Variants in PEBP4 observed in about 807,000 individuals in gnomAD.
PEBP4 encodes the protein phosphatidylethanolamine binding protein 4.
In PEBP4, 22 loss-of-function variants were observed where a neutral mutation model predicts 23.9. The observed-to-expected ratio is 0.92, with a 90% confidence interval of 0.66 to 1.31. The LOEUF (loss-of-function observed/expected upper bound fraction) is 1.31. Among genes scored for constraint, PEBP4 ranks in the 40% most tolerant of loss-of-function variants. PEBP4 has a pLI of 0.00. For missense variants in PEBP4, 324 were observed against 281.7 expected (o/e 1.15, Z -1.07); for synonymous variants, 112 against 99.3 (o/e 1.13, Z -0.76).
chr8:22,753,652 C>T (rs79328644), intron 4 of PEBP4, among the ~76,000 whole-genome samples: 1,576 of 152,338 alleles, frequency 0.01, 22 homozygotes, highest in African/African-American at 0.035. Context: ...TAGGCAAAGT[C>T]TCCACCTTGC....
At chr8:22,798,213 C>T (rs574206509) in intron 4 of PEBP4, among the ~76,000 whole-genome samples, 1 of 152,134 alleles carries the variant, frequency 6.6e-6, no homozygotes, top group African/African-American at 2.4e-5. Flanking sequence ...TTTTATGATG[C>T]TTTCACATCC....
chr8:22,800,689 T>C (rs1388859504), intron 4 of PEBP4, among the ~76,000 whole-genome samples: 5 of 152,048 alleles, frequency 3.3e-5, no homozygotes, highest in African/African-American at 9.7e-5. Flanking sequence ...GATAAAAGTA[T>C]TGGTTTATTC....
intron 4 of PEBP4, among the ~76,000 whole-genome samples, chr8:22,792,468 C>T (rs912870025): frequency 3.3e-5 from 5 of 152,044 alleles, no homozygotes; most frequent in African/African-American, 4.8e-5. Flanking sequence ...CGGTCCGTGT[C>T]CTTGGTCATA....
At chr8:22,741,466 T>A (rs753121956) in intron 4 of PEBP4, among the ~76,000 whole-genome samples, 2 of 152,190 alleles carry the variant, frequency 1.3e-5, no homozygotes, top group Non-Finnish European at 2.9e-5. Flanking sequence ...CCGGGAAGTT[T>A]GACAATCATA....
At chr8:22,725,030 T>C in intron 5 of PEBP4, 74 bp from the exon 6 acceptor site, 16 of 1,313,180 alleles carry the variant, frequency 1.2e-5, no homozygotes, top group South Asian at 8.4e-5. Context: ...TGCCTTCCCA[T>C]GGTCCTGCTG....
chr8:22,734,006 A>C (rs1041282711), intron 4 of PEBP4, among the ~76,000 whole-genome samples: 1 of 152,244 alleles, frequency 6.6e-6, no homozygotes, highest in Non-Finnish European at 1.5e-5. Context: ...AAATGAAAAC[A>C]GAGTTCCAAG....
At chr8:22,883,803 G>A (rs2128772991) in intron 3 of PEBP4, among the ~76,000 whole-genome samples, 1 of 152,184 alleles carries the variant, frequency 6.6e-6, no homozygotes, top group East Asian at 1.9e-4. Flanking sequence ...GGGCCTCATT[G>A]TCATTTGTTG....
chr8:22,890,256 CTT>C (rs1563251020), intron 3 of PEBP4, among the ~76,000 whole-genome samples: 1 of 152,220 alleles, frequency 6.6e-6, no homozygotes, highest in African/African-American at 2.4e-5. Context: ...GAGTCTGAGA[CTT>C]TCACTAAGCT....
rs35925508 is a variant in PEBP4 at position 22,873,470 on chromosome 8, C to CAA, written c.258+46712_258+46713dup. Reference sequence around the variant, plus strand: ...GAGATACTATCTGTGTGAAAAAGTACAAAAAAAAAAATTAGCTGGGCTTAG... The same window carrying CAA: ...GAGATACTATCTGTGTGAAAAAGTACAAAAAAAAAAAAATTAGCTGGGCTTAG... On this transcript the variant is annotated intron_variant, in intron 3 of 6. Coordinates refer to ENST00000256404, the MANE Select transcript of PEBP4 (RefSeq NM_144962.3). 1.4e-4 allele frequency among the ~76,000 whole-genome samples: 21 copies of CAA among 146,738 alleles called. 1 individual carries two copies. Among genetic ancestry groups the CAA allele is most frequent in the South Asian group, 4.3e-4 (2 of 4,600 alleles).
At chr8:22,720,823 C>T (rs1185146283) in intron 6 of PEBP4, among the ~76,000 whole-genome samples, 1 of 152,198 alleles carries the variant, frequency 6.6e-6, no homozygotes, top group Non-Finnish European at 1.5e-5. Context: ...CATAGAGCTA[C>T]ACCAGGGTGA....
intron 3 of PEBP4, among the ~76,000 whole-genome samples, chr8:22,852,542 C>A (rs187420734): frequency 2.3e-4 from 35 of 152,258 alleles, no homozygotes; most frequent in Non-Finnish European, 4.6e-4. Context: ...GAGAAACACA[C>A]CACAAGAGCG....
intron 3 of PEBP4, among the ~76,000 whole-genome samples, chr8:22,836,252 G>A (rs947623155): frequency 1.3e-5 from 2 of 152,150 alleles, no homozygotes; most frequent in African/African-American, 4.8e-5. Context: ...TATGTGAAGC[G>A]ATCAACACAT....
At chr8:22,940,685 T>C (rs1809601075) in intron 1 of PEBP4, among the ~76,000 whole-genome samples, 1 of 151,976 alleles carries the variant, frequency 6.6e-6, no homozygotes, top group Non-Finnish European at 1.5e-5. Flanking sequence ...GAGACGGGGT[T>C]TCACCATGTT....
chr8:22,748,419 C>T (rs1031044427), intron 4 of PEBP4, among the ~76,000 whole-genome samples: 3 of 151,874 alleles, frequency 2.0e-5, no homozygotes, highest in Admixed American at 6.6e-5. Context: ...TCACAGAACC[C>T]GCCTGGCAGA....
intron 3 of PEBP4, among the ~76,000 whole-genome samples, chr8:22,822,192 TA>T (rs1338179448): frequency 6.6e-6 from 1 of 151,964 alleles, no homozygotes; most frequent in Non-Finnish European, 1.5e-5. Flanking sequence ...AGTTTAAAGG[TA>T]AAAATAATGA....
intron 1 of PEBP4, among the ~76,000 whole-genome samples, chr8:22,937,660 G>C (rs117869021): frequency 3.9e-5 from 6 of 152,156 alleles, no homozygotes; most frequent in African/African-American, 1.4e-4. Context: ...TGAAGGACTC[G>C]TACTTTCTGA....
At chr8:22,828,367 T>C (rs1807017501) in intron 3 of PEBP4, among the ~76,000 whole-genome samples, 1 of 152,176 alleles carries the variant, frequency 6.6e-6, no homozygotes, top group African/African-American at 2.4e-5. Context: ...GTGCCTGAAA[T>C]GTTCTTTTCT....
chr8:22,821,976 C>A (rs1324606846), intron 3 of PEBP4, among the ~76,000 whole-genome samples: 1 of 97,066 alleles, frequency 1.0e-5, no homozygotes, highest in Non-Finnish European at 2.2e-5. Flanking sequence ...CAGAGCAAGA[C>A]CTCGTCTCAA....
chr8:22,895,341 G>C (rs1808568938), intron 3 of PEBP4: 1 of 152,152 alleles, frequency 6.6e-6, no homozygotes, highest in Admixed American at 6.5e-5. Context: ...TAATGTTGGG[G>C]TGGGCTTACA....
Sources: allele counts gnomAD v4.1 joint callset (sites outside exome capture counted in the v4.1 genomes callset), GRCh38; gene constraint gnomAD v4.1.1; transcripts MANE v1.5; gene names NCBI Gene and HGNC (gene_info 2026-07-23, HGNC 2026-07-21).